Variants in OMD observed in about 807,000 individuals in gnomAD.
OMD encodes osteomodulin.
Under a neutral mutation model 31.2 loss-of-function variants are expected in OMD, and 19 were observed. The ratio of observed to expected loss-of-function variants is 0.61; its 90% confidence interval spans 0.42 to 0.89. The LOEUF (loss-of-function observed/expected upper bound fraction) is 0.89, where lower values mean the gene tolerates loss of function less well. OMD is among the 40% of genes least tolerant of loss of function. OMD has a pLI of 0.00. For missense variants in OMD, 448 were observed against 490.8 expected, an observed-to-expected ratio of 0.91 and a Z score of 0.82; for synonymous variants, 155 against 166.4, an observed-to-expected ratio of 0.93 and a Z score of 0.53.
At chr9:92,416,010 AAG>A (rs1347905774) in intron 2 of OMD, among the ~76,000 whole-genome samples, 2 of 145,218 alleles carry the variant, frequency 1.4e-5, no homozygotes, top group Admixed American at 7.0e-5. Flanking sequence ...ATATATATAA[AAG>A]AGAATATATA....
In OMD at chr9:92,417,334, T is replaced by C. The variant is rs1314786428; in HGVS notation, c.225A>G (p.Ser75=). The C allele has an allele frequency of 1.2e-6, 2 of 1,613,914 alleles. No homozygotes were observed. Among genetic ancestry groups the C allele is most frequent in the Non-Finnish European group, 1.7e-6 (2 of 1,179,970 alleles). ...ECFCPTNFPS[S]MYCDNRKLKT... ...TGAGTTTGCGATTATCACAGTACAT[T>C]GATGATGGAAAGTTAGTTGGACAGA... The change falls in exon 2 of 3, where the codon TCA becomes TCG. Residue 75 remains serine, a synonymous_variant. Coordinates refer to ENST00000375550, the MANE Select transcript of OMD (RefSeq NM_005014.3).
At chr9:92,421,232 G>T (rs1219654230) in intron 1 of OMD, among the ~76,000 whole-genome samples, 1 of 152,076 alleles carries the variant, frequency 6.6e-6, no homozygotes, top group Non-Finnish European at 1.5e-5. Context: ...TAAAGACAGG[G>T]TTTTGCCATG....
rs150253209 is a variant in OMD at position 92,412,543 on chromosome 9, A to G, written c.*2609T>C. 6.6e-6 allele frequency among the ~76,000 whole-genome samples: 1 copy of G among 152,326 alleles called. No individual in the cohort carries two copies. Among genetic ancestry groups the G allele is most frequent in the African/African-American group, 2.4e-5 (1 of 41,584 alleles). On this transcript the variant is annotated 3_prime_UTR_variant, in exon 3 of 3. Transcript: ENST00000375550. ...ATTCCCATGATCCCCAGCTCTAGGC[A>G]ACCAATAGTCTTTGTCTCCATAGAT...
chr9:92,419,440 A>G lies in OMD; in HGVS notation c.-16-1866T>C, dbSNP rs1016623803. On this transcript the variant is annotated intron_variant, in intron 1 of 2. Coordinates refer to ENST00000375550, the MANE Select transcript of OMD (RefSeq NM_005014.3). Reference sequence around the variant, plus strand: ...CTCAGCCTCCCCAGTAGCTGGGATTACAGGTGCACTCCACCACACCCGGCT... The same window carrying G: ...CTCAGCCTCCCCAGTAGCTGGGATTGCAGGTGCACTCCACCACACCCGGCT... Among the ~76,000 whole-genome samples the G allele has an allele frequency of 4.6e-5, 7 of 151,176 alleles. No homozygotes were observed. In the South Asian group the frequency reaches 1.0e-3, roughly 23 times the overall value.
chr9:92,421,506 C>T (rs1843793562), intron 1 of OMD, among the ~76,000 whole-genome samples: 2 of 152,144 alleles, frequency 1.3e-5, no homozygotes, highest in South Asian at 2.1e-4. Flanking sequence ...GGTATCATAC[C>T]AAAGGGCAGT....
intron 1 of OMD, among the ~76,000 whole-genome samples, chr9:92,419,921 A>T (rs1198023488): frequency 1.3e-5 from 2 of 152,140 alleles, no homozygotes; most frequent in Non-Finnish European, 2.9e-5. Flanking sequence ...ATTTTCTTTG[A>T]CAGAACCCCA....
At chr9:92,420,195 A>G (rs1465085416) in intron 1 of OMD, among the ~76,000 whole-genome samples, 2 of 152,224 alleles carry the variant, frequency 1.3e-5, no homozygotes, top group South Asian at 2.1e-4. Flanking sequence ...CACTATCTCT[A>G]TGTAGTAACT....
rs569706918 is a variant in OMD, at chr9:92,414,427, T to C, written c.*725A>G. The C allele has an allele frequency of 9.7e-6, 2 of 206,958 alleles. No individual in the cohort carries two copies. The highest frequency in any genetic ancestry group is 1.5e-4 in the East Asian group (2 of 13,522). The allele number at this position is 206,958 out of a possible 1,614,324, so 12.8% of individuals were successfully genotyped here. ...ATTGTTTAGGATAGTTGCTGAAATC[T>C]GCTAAAATACAAATTGCAATGAGAT... On this transcript the variant is annotated 3_prime_UTR_variant, in exon 3 of 3. Coordinates refer to ENST00000375550, the MANE Select transcript of OMD (RefSeq NM_005014.3).
chr9:92,417,722 AT>A (rs1843661500), intron 1 of OMD, 148 bp from the exon 2 acceptor site: 3 of 514,902 alleles, frequency 5.8e-6, no homozygotes, highest in South Asian at 8.6e-5. Flanking sequence ...TCAAACCAAA[AT>A]TTTTTTCTTT....
At chr9:92,423,400 A>G (rs757484806) in intron 1 of OMD, among the ~76,000 whole-genome samples, 52 of 152,168 alleles carry the variant, frequency 3.4e-4, no homozygotes, top group Non-Finnish European at 5.3e-4. Context: ...CTAATGAGGT[A>G]TAATTTACTT....
rs772362041 is a variant in OMD at position 92,415,467 on chromosome 9, A to G, written c.951T>C (p.Leu317=). ...LQNNEIEKMN[L]TVMCPSIDPL... is the part of the protein sequence containing the mutation. ...GGTCAATAGAAGGACACATCACTGT[A>G]AGATTCATCTCTGAAAGAAATAAAT... Residue 317 remains leucine (L), a synonymous_variant, in exon 3 of 3, where the codon CTT becomes CTC. Coordinates refer to ENST00000375550, the MANE Select transcript of OMD (RefSeq NM_005014.3). 1.3e-6 allele frequency: 2 copies of G among 1,580,202 alleles called. No individual in the cohort carries two copies. The highest frequency in any genetic ancestry group is 1.7e-6 in the Non-Finnish European group (2 of 1,162,328).
At position 92,417,222 on chromosome 9, in the gene OMD, T is replaced by G. The variant is rs1490306846; in HGVS notation, c.337A>C (p.Asn113His). 2 of 1,614,042 alleles carry G rather than the reference T, an allele frequency of 1.2e-6. No individual in the cohort carries two copies. The highest frequency in any genetic ancestry group is 1.7e-4 in the Middle Eastern group (1 of 6,060). ...IEAVTANSFI[N>H]ATHLKEINLS... ...TTAATTTCTTTAAGATGAGTTGCAT[T>G]GATGAATGAATTTGCAGTCACAGCC... The change falls in exon 2 of 3, where the codon AAT becomes CAT. Residue 113 changes from asparagine to histidine, a missense_variant. Asn to His is a moderately conservative substitution (Grantham distance 68). Coordinates refer to ENST00000375550, the MANE Select transcript of OMD (RefSeq NM_005014.3).
At chr9:92,421,850 G>T (rs1843806983) in intron 1 of OMD, among the ~76,000 whole-genome samples, 1 of 152,082 alleles carries the variant, frequency 6.6e-6, no homozygotes, top group East Asian at 1.9e-4. Context: ...ATCCTTTATA[G>T]CAGAGATAGG....
chr9:92,419,777 A>T (rs1474233681), intron 1 of OMD, among the ~76,000 whole-genome samples: 1 of 152,176 alleles, frequency 6.6e-6, no homozygotes, highest in Non-Finnish European at 1.5e-5. Flanking sequence ...TACTTTTCCC[A>T]CCCAGGGTTT....
intron 1 of OMD, among the ~76,000 whole-genome samples, chr9:92,418,234 G>A (rs539980404): frequency 3.9e-5 from 6 of 151,950 alleles, no homozygotes; most frequent in South Asian, 2.1e-4. Flanking sequence ...CTACAGGCGC[G>A]TGCCACCACG....
intron 1 of OMD, among the ~76,000 whole-genome samples, chr9:92,423,201 C>T (rs1483048183): frequency 2.0e-5 from 3 of 152,062 alleles, no homozygotes; most frequent in Non-Finnish European, 4.4e-5. Flanking sequence ...TCCTCACTTT[C>T]CTAGTACATC....
chr9:92,412,721 T>A lies in OMD; in HGVS notation c.*2431A>T, dbSNP rs1230259445. Reference sequence around the variant, plus strand: ...TTTTTATTGCTGAATAATATTCCACTGTATGGATATATCACATTTTGTGTA... The same window carrying A: ...TTTTTATTGCTGAATAATATTCCACAGTATGGATATATCACATTTTGTGTA... On this transcript the variant is annotated 3_prime_UTR_variant, in exon 3 of 3. Transcript: ENST00000375550. Among the ~76,000 whole-genome samples the A allele has an allele frequency of 6.6e-6, 1 of 152,214 alleles. No homozygotes were observed. The highest frequency in any genetic ancestry group is 2.4e-5 in the African/African-American group (1 of 41,462).
At chr9:92,421,612 T>G (rs1281974536) in intron 1 of OMD, among the ~76,000 whole-genome samples, 1 of 152,260 alleles carries the variant, frequency 6.6e-6, no homozygotes, top group Admixed American at 6.5e-5. Flanking sequence ...TTACTGTATG[T>G]AAACATGCTT....
At position 92,412,464 on chromosome 9, in the gene OMD, A is replaced by G. The variant is rs1007591616; in HGVS notation, c.*2688T>C. Among the ~76,000 whole-genome samples, 6 of 152,112 alleles carry G rather than the reference A, an allele frequency of 3.9e-5. No individual in the cohort carries two copies. Among genetic ancestry groups the G allele is most frequent in the African/African-American group, 1.4e-4 (6 of 41,418 alleles). ...CCACAGTCAATTTTGGAACATTTTC[A>G]TTACTCCAAAAAAGAAACCATATAC... is the stretch of plus-strand genomic sequence containing the variant. On this transcript the variant is annotated 3_prime_UTR_variant, in exon 3 of 3. Transcript: ENST00000375550.
Sources: gnomAD v4.1 joint callset for allele counts (sites outside exome capture counted in the v4.1 genomes callset) on GRCh38, gnomAD v4.1.1 for gene constraint, MANE v1.5 for transcripts, NCBI Gene and HGNC (gene_info 2026-07-23, HGNC 2026-07-21) for gene names.